The following TMEM132C variants were observed in gnomAD, a reference collection of about 807,000 sequenced individuals.
TMEM132C encodes protein phosphatase 1, regulatory subunit 152.
TMEM132C carries 29 observed loss-of-function variants against 61.4 expected under a neutral mutation model. The ratio of observed to expected loss-of-function variants is 0.47; its 90% confidence interval spans 0.35 to 0.64. The LOEUF is 0.64. TMEM132C is among the 30% of genes least tolerant of loss of function. TMEM132C has a pLI of 0.00. For missense variants in TMEM132C, 1,408 were observed against 1,476.9 expected (o/e 0.95, Z 0.76); for synonymous variants, 656 against 633.1 (o/e 1.04, Z -0.54).
chr12:128,475,900 G>T (rs1404673820), intron 2 of TMEM132C, among the ~76,000 whole-genome samples: 2 of 152,326 alleles, frequency 1.3e-5, no homozygotes, highest in East Asian at 3.9e-4. Context: ...CAAGTGACCG[G>T]GTTGGGATTG....
chr12:128,390,029 C>T (rs1444715596), intron 1 of TMEM132C, among the ~76,000 whole-genome samples: 1 of 152,132 alleles, frequency 6.6e-6, no homozygotes, highest in African/African-American at 2.4e-5. Context: ...TGGCATGCCC[C>T]ACCATGCCAA....
chr12:128,275,614 A>G (rs962219547), intron 1 of TMEM132C, among the ~76,000 whole-genome samples: 2 of 151,382 alleles, frequency 1.3e-5, no homozygotes, highest in Non-Finnish European at 2.9e-5. Flanking sequence ...CAATCCCCCC[A>G]CCCCCTGGTC....
At chr12:128,340,375 G>A (rs917256157) in intron 1 of TMEM132C, among the ~76,000 whole-genome samples, 2 of 151,702 alleles carry the variant, frequency 1.3e-5, no homozygotes, top group Non-Finnish European at 2.9e-5. Flanking sequence ...AAGACCTATT[G>A]TCTTATTACA....
At chr12:128,427,387 G>GTGTGTGTGTGTGT (rs1869224289) in intron 2 of TMEM132C, among the ~76,000 whole-genome samples, 1 of 132,294 alleles carries the variant, frequency 7.6e-6, no homozygotes, top group African/African-American at 3.0e-5. Flanking sequence ...CTTCCAAAGG[G>GTGTGTGTGTGTGT]GTGTGTGTGT....
At chr12:128,530,345 G>A (rs903548588) in intron 2 of TMEM132C, among the ~76,000 whole-genome samples, 1 of 152,160 alleles carries the variant, frequency 6.6e-6, no homozygotes, top group Non-Finnish European at 1.5e-5. Context: ...TATATGGACT[G>A]CCAGATTCTG....
chr12:128,317,996 A>G (rs1171164382), intron 1 of TMEM132C, among the ~76,000 whole-genome samples: 6 of 152,366 alleles, frequency 3.9e-5, no homozygotes, highest in Non-Finnish European at 5.9e-5. Flanking sequence ...CATCAAAAAT[A>G]TAGACAGTTT....
At chr12:128,380,736 C>A (rs1391404723) in intron 1 of TMEM132C, among the ~76,000 whole-genome samples, 1 of 152,158 alleles carries the variant, frequency 6.6e-6, no homozygotes, top group African/African-American at 2.4e-5. Context: ...CACAGCAAGA[C>A]CCCATCTCTT....
chr12:128,691,417 C>G (rs754773313), intron 5 of TMEM132C, among the ~76,000 whole-genome samples: 1 of 152,252 alleles, frequency 6.6e-6, no homozygotes, highest in African/African-American at 2.4e-5. Flanking sequence ...GCTCATCCAT[C>G]CCTCTGTCCA....
At chr12:128,377,691 A>T (rs1486347088) in intron 1 of TMEM132C, among the ~76,000 whole-genome samples, 1 of 152,190 alleles carries the variant, frequency 6.6e-6, no homozygotes, top group Non-Finnish European at 1.5e-5. Context: ...AAACCGTGGG[A>T]CACACCCCAG....
At chr12:128,398,759 G>A (rs1033630812) in intron 1 of TMEM132C, among the ~76,000 whole-genome samples, 3 of 152,128 alleles carry the variant, frequency 2.0e-5, no homozygotes, top group African/African-American at 4.8e-5. Flanking sequence ...CAAAGAAGTC[G>A]ATATATGATA....
At chr12:128,628,865 G>A (rs1247262703) in intron 4 of TMEM132C, among the ~76,000 whole-genome samples, 1 of 152,198 alleles carries the variant, frequency 6.6e-6, no homozygotes, top group Non-Finnish European at 1.5e-5. Context: ...TATCCTTATT[G>A]TTTGGTATAT....
chr12:128,589,707 A>T (rs1875684743), intron 3 of TMEM132C, among the ~76,000 whole-genome samples: 1 of 152,132 alleles, frequency 6.6e-6, no homozygotes, highest in South Asian at 2.1e-4. Flanking sequence ...GGCCTGTAGC[A>T]CCTATTTGAT....
intron 4 of TMEM132C, among the ~76,000 whole-genome samples, chr12:128,658,746 C>T (rs1954356144): frequency 6.6e-6 from 1 of 152,208 alleles, no homozygotes; most frequent in Non-Finnish European, 1.5e-5. Context: ...TTCAAATCTC[C>T]CTTCCTATTT....
intron 2 of TMEM132C, among the ~76,000 whole-genome samples, chr12:128,459,427 G>T (rs926934597): frequency 2.6e-5 from 4 of 152,244 alleles, no homozygotes; most frequent in African/African-American, 9.6e-5. Context: ...CAAGGAAGTG[G>T]GCTCTTTAGG....
At chr12:128,463,913 C>A (rs1870630036) in intron 2 of TMEM132C, among the ~76,000 whole-genome samples, 1 of 152,106 alleles carries the variant, frequency 6.6e-6, no homozygotes, top group Admixed American at 6.5e-5. Context: ...AGCCACGGGC[C>A]CACCTTGGAT....
At chr12:128,439,901 T>C (rs1869726597) in intron 2 of TMEM132C, among the ~76,000 whole-genome samples, 1 of 152,202 alleles carries the variant, frequency 6.6e-6, no homozygotes, top group African/African-American at 2.4e-5. Flanking sequence ...CCTTCGAGAA[T>C]GGTCATATGG....
chr12:128,470,461 C>A (rs1369614385), intron 2 of TMEM132C, among the ~76,000 whole-genome samples: 1 of 152,128 alleles, frequency 6.6e-6, no homozygotes, highest in African/African-American at 2.4e-5. Flanking sequence ...TCCTCTGCTA[C>A]CTCTCGGTCT....
chr12:128,468,696 G>A (rs1175748640), intron 2 of TMEM132C, among the ~76,000 whole-genome samples: 1 of 152,106 alleles, frequency 6.6e-6, no homozygotes, highest in Non-Finnish European at 1.5e-5. Flanking sequence ...AGAGGCTTTG[G>A]CAAAGTCAGA....
At chr12:128,514,104 C>A (rs147879724) in intron 2 of TMEM132C, among the ~76,000 whole-genome samples, 2 of 152,330 alleles carry the variant, frequency 1.3e-5, no homozygotes, top group Non-Finnish European at 2.9e-5. Flanking sequence ...GGAATCAAAT[C>A]CCTTTCTTGT....
Sources: allele counts gnomAD v4.1 joint callset (sites outside exome capture counted in the v4.1 genomes callset), GRCh38; gene constraint gnomAD v4.1.1; transcripts MANE v1.5; gene names NCBI Gene and HGNC (gene_info 2026-07-23, HGNC 2026-07-21).